Variants in NFIA observed in about 807,000 individuals in gnomAD.
The protein encoded by NFIA is nuclear factor I A, also known as nuclear factor 1 A-type.
A neutral mutation model predicts 62.8 loss-of-function variants in NFIA; 8 were observed. The ratio of observed to expected loss-of-function variants is 0.13; its 90% CI spans 0.07 to 0.23. The LOEUF (loss-of-function observed/expected upper bound fraction) is 0.23. Among genes scored for constraint, NFIA ranks in the 10% least tolerant of loss-of-function variants. The pLI is 1.00. For missense variants in NFIA, 410 were observed against 642.1 expected, an observed-to-expected ratio of 0.64 and a Z score of 3.91; for synonymous variants, 235 against 238.1, an observed-to-expected ratio of 0.99 and a Z score of 0.12.
chr1:61,156,115 C>G lies in NFIA; in HGVS notation c.559+67435C>G, dbSNP rs1177410424. Among the ~76,000 whole-genome samples, 3 of 152,308 alleles carry G rather than the reference C, an allele frequency of 2.0e-5. No individual in the cohort carries two copies. The Middle Eastern group carries it at 0.01, about 518-fold the overall frequency. ...TGCCATTGCGCTCCAGCCTGGGCGA[C>G]AGAGCGAGACTGTCTCCAAAATAAA... is the stretch of plus-strand genomic sequence containing the variant. On this transcript the variant is annotated intron_variant, in intron 2 of 10. Coordinates refer to ENST00000403491, the MANE Select transcript of NFIA (RefSeq NM_001134673.4).
chr1:61,339,899 G>A (rs1188916333), intron 4 of NFIA, among the ~76,000 whole-genome samples: 1 of 152,134 alleles, frequency 6.6e-6, no homozygotes, highest in Non-Finnish European at 1.5e-5. Flanking sequence ...GAATTAAAAG[G>A]TGCATATACC....
At chr1:61,177,588 T>C (rs547231077) in intron 2 of NFIA, among the ~76,000 whole-genome samples, 6 of 152,326 alleles carry the variant, frequency 3.9e-5, no homozygotes, top group African/African-American at 1.2e-4. Context: ...TCCTCAGATA[T>C]GTTCTGAATC....
At chr1:61,381,811 CACTCA>C in intron 6 of NFIA, among the ~76,000 whole-genome samples, 1 of 152,234 alleles carries the variant, frequency 6.6e-6, no homozygotes, top group Non-Finnish European at 1.5e-5. Context: ...GTCTGAGTCA[CACTCA>C]AAGGTCATGT....
At chr1:61,430,662 T>TC (rs1667062220) in intron 10 of NFIA, among the ~76,000 whole-genome samples, 1 of 151,834 alleles carries the variant, frequency 6.6e-6, no homozygotes, top group African/African-American at 2.4e-5. Context: ...TCTGTTTTTT[T>TC]CTCCAGAGAA....
At chr1:61,120,953 A>G (rs532915639) in intron 2 of NFIA, among the ~76,000 whole-genome samples, 1 of 152,306 alleles carries the variant, frequency 6.6e-6, no homozygotes, top group East Asian at 1.9e-4. Context: ...ATATTTTGTG[A>G]ACAGTATCTG....
chr1:61,246,185 T>C (rs185493707), intron 2 of NFIA, among the ~76,000 whole-genome samples: 1 of 152,310 alleles, frequency 6.6e-6, no homozygotes, highest in East Asian at 1.9e-4. Context: ...TATCCTGTTG[T>C]GAAGATCTAA....
chr1:61,135,540 G>C (rs1489769714), intron 2 of NFIA, among the ~76,000 whole-genome samples: 1 of 152,148 alleles, frequency 6.6e-6, no homozygotes, highest in East Asian at 1.9e-4. Flanking sequence ...AAGTAGCTGG[G>C]ACTACTGGCA....
chr1:61,093,515 T>C (rs563809027), intron 2 of NFIA, among the ~76,000 whole-genome samples: 2 of 152,366 alleles, frequency 1.3e-5, no homozygotes, highest in East Asian at 3.9e-4. Context: ...AATTTTAATT[T>C]ATCTTTTAAT....
chr1:61,253,921 C>G (rs1656210278), intron 2 of NFIA, among the ~76,000 whole-genome samples: 1 of 152,064 alleles, frequency 6.6e-6, no homozygotes, highest in Non-Finnish European at 1.5e-5. Flanking sequence ...TTCATTAAAG[C>G]AAGTATAGGC....
intron 3 of NFIA, among the ~76,000 whole-genome samples, chr1:61,295,577 C>G (rs553798707): frequency 2.0e-5 from 3 of 152,148 alleles, no homozygotes; most frequent in Admixed American, 2.0e-4. Flanking sequence ...AAAGGGAGAC[C>G]CTACCTTGAC....
chr1:61,401,097 G>A (rs1335384193), intron 7 of NFIA, among the ~76,000 whole-genome samples: 2 of 152,258 alleles, frequency 1.3e-5, no homozygotes, highest in African/African-American at 2.4e-5. Flanking sequence ...TCAGGATCTC[G>A]AATGATTTCT....
chr1:61,392,931 A>G (rs56396529), intron 7 of NFIA, among the ~76,000 whole-genome samples: 2,080 of 152,184 alleles, frequency 0.014, 50 homozygotes, highest in African/African-American at 0.048. Flanking sequence ...ACGCAGGCCT[A>G]TGTGTCCCAG....
chr1:61,245,425 G>A (rs1183649214), intron 2 of NFIA, among the ~76,000 whole-genome samples: 2 of 152,046 alleles, frequency 1.3e-5, no homozygotes, highest in African/African-American at 4.8e-5. Flanking sequence ...TATTATGGTC[G>A]AAGCTTTTGT....
chr1:61,197,580 A>G (rs942155764), intron 2 of NFIA, among the ~76,000 whole-genome samples: 2 of 151,670 alleles, frequency 1.3e-5, no homozygotes, highest in Non-Finnish European at 2.9e-5. Context: ...CCTCAAAAAC[A>G]CTCTGTAGAT....
chr1:61,183,861 T>G (rs375136817), intron 2 of NFIA, among the ~76,000 whole-genome samples: 19 of 152,220 alleles, frequency 1.2e-4, no homozygotes, highest in African/African-American at 4.6e-4. Flanking sequence ...GGATGTCATT[T>G]GAGCTTGCTG....
At chr1:61,331,529 G>A (rs1231918757) in intron 3 of NFIA, among the ~76,000 whole-genome samples, 2 of 152,022 alleles carry the variant, frequency 1.3e-5, no homozygotes, top group Non-Finnish European at 2.9e-5. Flanking sequence ...ATTTTCTCAA[G>A]GTATGTTTCT....
In NFIA at chr1:61,232,005, G is replaced by A. The variant is rs116553622; in HGVS notation, c.560-45515G>A. ...CTATCATTACCCAGCTGTTAGTGAC[G>A]GGTTTGAGGCTGGAACCTTAGTTTT... is the stretch of plus-strand genomic sequence containing the variant. On this transcript the variant is annotated intron_variant, in intron 2 of 10. Transcript: ENST00000403491. Among the ~76,000 whole-genome samples the A allele has an allele frequency of 4.2e-3, 633 of 152,206 alleles. 9 individuals carry two copies. Among genetic ancestry groups the A allele is most frequent in the Admixed American group, 0.019 (292 of 15,288 alleles).
chr1:61,245,671 A>C (rs1199369961), intron 2 of NFIA, among the ~76,000 whole-genome samples: 1 of 152,128 alleles, frequency 6.6e-6, no homozygotes, highest in African/African-American at 2.4e-5. Flanking sequence ...AAATATATAG[A>C]TATCAAGACA....
chr1:61,407,919 C>T (rs956320262), intron 9 of NFIA, among the ~76,000 whole-genome samples: 33 of 152,114 alleles, frequency 2.2e-4, no homozygotes, highest in African/African-American at 8.0e-4. Context: ...AGCTTCCTTA[C>T]CTTCAGTATT....
Sources: allele counts gnomAD v4.1 joint callset (sites outside exome capture counted in the v4.1 genomes callset), GRCh38; gene constraint gnomAD v4.1.1; transcripts MANE v1.5; gene names NCBI Gene and HGNC (gene_info 2026-07-23, HGNC 2026-07-21).